Variants in HFM1 observed in about 807,000 individuals in gnomAD.
HFM1 encodes the protein probable ATP-dependent DNA helicase HFM1.
In HFM1, 169 loss-of-function variants were observed where a neutral mutation model predicts 192.1. That is an observed-to-expected ratio of 0.88 (90% CI 0.78 to 1.00). HFM1 has a LOEUF of 1.00. HFM1 is among the 50% of genes least tolerant of loss of function. HFM1 has a pLI of 0.00. For synonymous variants in HFM1, 525 were observed against 537.8 expected, an observed-to-expected ratio of 0.98 and a Z score of 0.33; for missense variants, 1,661 against 1,668.0, an observed-to-expected ratio of 1.00 and a Z score of 0.07.
At chr1:91,402,234 C>T (rs1664385102) in intron 1 of HFM1, among the ~76,000 whole-genome samples, 1 of 152,100 alleles carries the variant, frequency 6.6e-6, no homozygotes, top group Admixed American at 6.5e-5. Flanking sequence ...GGATGAGATA[C>T]AAGTGGGAGT....
At chr1:91,335,562 A>G (rs1284572385) in intron 20 of HFM1, among the ~76,000 whole-genome samples, 18 of 152,224 alleles carry the variant, frequency 1.2e-4, no homozygotes, top group Admixed American at 1.1e-3. Flanking sequence ...CAAGGAAATA[A>G]AGAAACAACT....
chr1:91,402,121 T>C (rs181167166), intron 1 of HFM1, among the ~76,000 whole-genome samples: 6 of 152,184 alleles, frequency 3.9e-5, no homozygotes, highest in Admixed American at 1.3e-4. Context: ...GTCCTCAAGA[T>C]AGAAACTACA....
chr1:91,264,363 T>TTTTTTTTTTTTTTTTG lies in HFM1; in HGVS notation c.3974+1653_3974+1654insCAAAAAAAAAAAAAAA. Among the ~76,000 whole-genome samples the TTTTTTTTTTTTTTTTG allele has an allele frequency of 8.2e-5, 4 of 48,514 alleles. No homozygotes were observed. In the East Asian group the frequency reaches 1.3e-3, roughly 16 times the overall value. 31.8% of individuals were successfully genotyped at this position (48,514 alleles called of 152,430 possible). Reference sequence around the variant, plus strand: ...CCAAGGGATACCACAAATTTAGTATTTTTTTTTTTTTTTTTTTTTTTTTTT... The same window carrying TTTTTTTTTTTTTTTTG: ...CCAAGGGATACCACAAATTTAGTATTTTTTTTTTTTTTTTTGTTTTTTTTTTTTTTTTTTTTTTTTT... On this transcript the variant is annotated intron_variant, in intron 36 of 38. Coordinates refer to ENST00000370425, the MANE Select transcript of HFM1 (RefSeq NM_001017975.6).
At chr1:91,334,075 G>A (rs983259627) in intron 20 of HFM1, among the ~76,000 whole-genome samples, 2 of 152,158 alleles carry the variant, frequency 1.3e-5, no homozygotes, top group Non-Finnish European at 2.9e-5. Flanking sequence ...CCATTATGAC[G>A]TTGGGGAAAA....
intron 30 of HFM1, among the ~76,000 whole-genome samples, chr1:91,293,941 T>C (rs1669086435): frequency 6.7e-6 from 1 of 148,676 alleles, no homozygotes; most frequent in Non-Finnish European, 1.5e-5. Context: ...CAGCAAACTA[T>C]CGCAAGAACA....
At chr1:91,358,262 C>T (rs937874522) in intron 13 of HFM1, among the ~76,000 whole-genome samples, 23 of 151,234 alleles carry the variant, frequency 1.5e-4, no homozygotes, top group African/African-American at 5.4e-4. Flanking sequence ...CCAGCCTGGG[C>T]AACAGAGCAA....
intron 13 of HFM1, among the ~76,000 whole-genome samples, chr1:91,366,448 T>C (rs1365340211): frequency 6.6e-6 from 1 of 152,204 alleles, no homozygotes; most frequent in Non-Finnish European, 1.5e-5. Context: ...AACTTGATCA[T>C]CTAGTTTATT....
intron 3 of HFM1, among the ~76,000 whole-genome samples, chr1:91,395,421 T>A (rs970843536): frequency 2.6e-5 from 4 of 152,178 alleles, no homozygotes; most frequent in African/African-American, 9.6e-5. Flanking sequence ...TATTTTAAAT[T>A]TTAAGATTTG....
At chr1:91,290,384 A>T (rs557266413) in intron 30 of HFM1, among the ~76,000 whole-genome samples, 1 of 152,314 alleles carries the variant, frequency 6.6e-6, no homozygotes, top group Non-Finnish European at 1.5e-5. Context: ...AAACAAAAAA[A>T]GGCAGGGGTT....
At chr1:91,374,227 C>G (rs1301805475) in intron 13 of HFM1, among the ~76,000 whole-genome samples, 1 of 151,794 alleles carries the variant, frequency 6.6e-6, no homozygotes. Context: ...GGAGAATGGT[C>G]ATGAAAAGTC....
intron 34 of HFM1, among the ~76,000 whole-genome samples, chr1:91,268,999 G>A (rs1194037028): frequency 6.6e-6 from 1 of 151,928 alleles, no homozygotes; most frequent in African/African-American, 2.4e-5. Context: ...TCAATTTTTT[G>A]TGTTATTCAC....
At chr1:91,405,909 AAAGTT>A (rs1664783098), upstream of HFM1, among the ~76,000 whole-genome samples, 1 of 152,238 alleles carries the variant, frequency 6.6e-6, no homozygotes, top group African/African-American at 2.4e-5. Context: ...ACTGGAGAGG[AAAGTT>A]ACTTTCCATA....
intron 7 of HFM1, 109 bp from the exon 8 acceptor site, chr1:91,380,345 CA>C (rs1295537386): frequency 1.1e-5 from 7 of 638,818 alleles, no homozygotes; most frequent in Non-Finnish European, 1.7e-5. Context: ...ATAGTTCAAA[CA>C]TTTTTCCTCT....
At chr1:91,347,599 T>G in intron 18 of HFM1, 123 bp from the exon 19 acceptor site, 3 of 481,160 alleles carry the variant, frequency 6.2e-6, no homozygotes, top group Non-Finnish European at 7.5e-6. Context: ...TCTCAGCTGA[T>G]TGAGTTCAAA....
At chr1:91,322,223 A>G (rs992610909) in intron 23 of HFM1, among the ~76,000 whole-genome samples, 3 of 152,208 alleles carry the variant, frequency 2.0e-5, no homozygotes, top group Non-Finnish European at 4.4e-5. Context: ...ACGTAAAGGT[A>G]TTTGGAAGAT....
intron 30 of HFM1, among the ~76,000 whole-genome samples, chr1:91,303,092 T>C (rs1223666055): frequency 6.6e-6 from 1 of 152,198 alleles, no homozygotes; most frequent in Admixed American, 6.5e-5. Context: ...CCCAAGGTTG[T>C]GCAACAGTCA....
intron 30 of HFM1, among the ~76,000 whole-genome samples, chr1:91,300,196 A>T (rs1488528314): frequency 6.6e-6 from 1 of 152,196 alleles, no homozygotes; most frequent in African/African-American, 2.4e-5. Flanking sequence ...GAAATGGATA[A>T]ATTTCTGGAC....
At chr1:91,349,928 C>T (rs1033505016) in intron 18 of HFM1, among the ~76,000 whole-genome samples, 6 of 151,858 alleles carry the variant, frequency 4.0e-5, no homozygotes, top group African/African-American at 1.5e-4. Context: ...AAGAATTATA[C>T]AAAAAAGATA....
chr1:91,397,875 G>A (rs1663851457), intron 2 of HFM1, among the ~76,000 whole-genome samples: 1 of 152,174 alleles, frequency 6.6e-6, no homozygotes, highest in African/African-American at 2.4e-5. Context: ...ATGAAATGTT[G>A]CCAAAGAAGG....
Sources: allele counts gnomAD v4.1 joint callset (sites outside exome capture counted in the v4.1 genomes callset), GRCh38; gene constraint gnomAD v4.1.1; transcripts MANE v1.5; gene names NCBI Gene and HGNC (gene_info 2026-07-23, HGNC 2026-07-21).